Variants in ROBO1 observed in about 807,000 individuals in gnomAD.
ROBO1 encodes the protein roundabout homolog 1.
In ROBO1, 149 loss-of-function variants were observed where a neutral mutation model predicts 195.9. That is an observed-to-expected ratio of 0.76 (90% CI 0.67 to 0.87). The LOEUF is 0.87. ROBO1 is among the 40% of genes least tolerant of loss of function. ROBO1 has a pLI of 0.00. For missense variants in ROBO1, 1,933 were observed against 2,068.3 expected (o/e 0.93, Z 1.27); for synonymous variants, 816 against 733.2 (o/e 1.11, Z -1.82).
intron 2 of ROBO1, among the ~76,000 whole-genome samples, chr3:79,588,320 C>G (rs1411566722): frequency 6.6e-6 from 1 of 151,556 alleles, no homozygotes; most frequent in Non-Finnish European, 1.5e-5. Context: ...TTGTACCTTC[C>G]CACCATATAT....
At chr3:79,503,195 G>A (rs775146783) in intron 2 of ROBO1, among the ~76,000 whole-genome samples, 24 of 152,012 alleles carry the variant, frequency 1.6e-4, no homozygotes, top group Admixed American at 2.6e-4. Context: ...GCGAGACTAC[G>A]AACCCACCAG....
chr3:79,205,569 C>A (rs768737252), intron 2 of ROBO1, among the ~76,000 whole-genome samples: 3 of 152,000 alleles, frequency 2.0e-5, no homozygotes, highest in Non-Finnish European at 4.4e-5. Flanking sequence ...CTGGTTATAG[C>A]CCTAAATTTG....
intron 2 of ROBO1, among the ~76,000 whole-genome samples, chr3:79,292,867 G>T (rs1450713224): frequency 6.6e-6 from 1 of 152,176 alleles, no homozygotes; most frequent in African/African-American, 2.4e-5. Flanking sequence ...CCAGGTTTTG[G>T]TATCAGGATG....
At chr3:79,122,765 T>C (rs1049255630) in intron 3 of ROBO1, among the ~76,000 whole-genome samples, 7 of 151,968 alleles carry the variant, frequency 4.6e-5, no homozygotes, top group Admixed American at 2.0e-4. Flanking sequence ...TAGGGGAATG[T>C]AAATGGGAAT....
intron 2 of ROBO1, among the ~76,000 whole-genome samples, chr3:79,477,924 TAAAC>T (rs1938626710): frequency 6.6e-6 from 1 of 152,194 alleles, no homozygotes; most frequent in South Asian, 2.1e-4. Context: ...ATTAGCAAAT[TAAAC>T]AATCAATCTA....
In ROBO1 at chr3:78,599,897, G is replaced by C. The variant is rs112353179; in HGVS notation, c.4941+216C>G. 58 of 584,830 alleles carry C rather than the reference G, an allele frequency of 9.9e-5. 1 individual carries two copies. Among genetic ancestry groups the C allele is most frequent in the African/African-American group, 7.8e-4 (42 of 53,640 alleles). The allele number at this position is 584,830 out of a possible 1,614,324, so 36.2% of individuals were successfully genotyped here. A position where few individuals can be genotyped will look rare whatever the true frequency, so the allele number is the denominator to read the frequency against. Reference sequence around the variant, plus strand: ...AATCTGCAAATGAAGATAAACCCTAGCTAAACAAATAAACTGCCATTAACA... The same window carrying C: ...AATCTGCAAATGAAGATAAACCCTACCTAAACAAATAAACTGCCATTAACA... On this transcript the variant is annotated intron_variant, in intron 30 of 30. Coordinates refer to ENST00000464233, the MANE Select transcript of ROBO1 (RefSeq NM_002941.4).
At position 78,892,494 on chromosome 3, in the gene ROBO1, T is replaced by C. The variant is rs567443264; in HGVS notation, c.499+46107A>G. ...AGCAGCATCTGAAATGGAAATAATA[T>C]ATGCTGCATTGTGATGTGTAGAGTA... On this transcript the variant is annotated intron_variant, in intron 4 of 30. Coordinates refer to ENST00000464233, the MANE Select transcript of ROBO1 (RefSeq NM_002941.4). Among the ~76,000 whole-genome samples the C allele has an allele frequency of 3.3e-5, 5 of 152,306 alleles. No homozygotes were observed. In the South Asian group the frequency reaches 1.0e-3, roughly 32 times the overall value.
intron 2 of ROBO1, among the ~76,000 whole-genome samples, chr3:79,522,496 C>T (rs1941250594): frequency 6.6e-6 from 1 of 152,142 alleles, no homozygotes; most frequent in Non-Finnish European, 1.5e-5. Context: ...ATCCTGGAGT[C>T]ATCATTCCTG....
intron 4 of ROBO1, among the ~76,000 whole-genome samples, chr3:78,752,436 G>A (rs1049509621): frequency 4.6e-5 from 7 of 152,074 alleles, no homozygotes; most frequent in African/African-American, 1.7e-4. Context: ...ATACAATAGG[G>A]TCTTATTGCA....
intron 1 of ROBO1, among the ~76,000 whole-genome samples, chr3:79,699,779 T>A (rs1447668794): frequency 6.6e-6 from 1 of 151,688 alleles, no homozygotes; most frequent in Non-Finnish European, 1.5e-5. Context: ...TGTGGCAGCT[T>A]CTGGGAACAT....
At chr3:79,098,405 C>T (rs1461551113) in intron 3 of ROBO1, among the ~76,000 whole-genome samples, 1 of 151,776 alleles carries the variant, frequency 6.6e-6, no homozygotes, top group East Asian at 1.9e-4. Context: ...GCTGTGACCA[C>T]ACTGATGACA....
intron 2 of ROBO1, among the ~76,000 whole-genome samples, chr3:79,420,580 T>C (rs1353191715): frequency 1.3e-5 from 2 of 152,182 alleles, no homozygotes; most frequent in African/African-American, 4.8e-5. Flanking sequence ...TGTGTGACTT[T>C]GGCGATTCTC....
chr3:79,753,275 C>A (rs1052601325), intron 1 of ROBO1, among the ~76,000 whole-genome samples: 5 of 149,368 alleles, frequency 3.3e-5, no homozygotes, highest in Admixed American at 6.7e-5. Flanking sequence ...GGGGTGCAAA[C>A]TGGATACTGG....
intron 4 of ROBO1, among the ~76,000 whole-genome samples, chr3:78,812,543 T>C (rs2084774285): frequency 6.6e-6 from 1 of 152,110 alleles, no homozygotes; most frequent in South Asian, 2.1e-4. Flanking sequence ...TAAAACGGAA[T>C]AAATATCCTG....
At chr3:78,631,968 T>C (rs1705212782) in intron 24 of ROBO1, among the ~76,000 whole-genome samples, 2 of 152,218 alleles carry the variant, frequency 1.3e-5, no homozygotes, top group South Asian at 2.1e-4. Flanking sequence ...AGCCCAATCA[T>C]TCAAGTGCTC....
intron 3 of ROBO1, among the ~76,000 whole-genome samples, chr3:79,039,957 T>C (rs896932392): frequency 6.6e-6 from 1 of 152,176 alleles, no homozygotes; most frequent in Non-Finnish European, 1.5e-5. Context: ...TTAATACATA[T>C]AAATTATCTG....
chr3:78,837,885 A>T (rs1230464468), intron 4 of ROBO1, among the ~76,000 whole-genome samples: 3 of 152,184 alleles, frequency 2.0e-5, no homozygotes, highest in African/African-American at 7.2e-5. Context: ...AATACATGCC[A>T]TGTTGCATAA....
At chr3:79,129,120 G>A (rs1171390093) in intron 2 of ROBO1, among the ~76,000 whole-genome samples, 1 of 152,104 alleles carries the variant, frequency 6.6e-6, no homozygotes, top group Non-Finnish European at 1.5e-5. Context: ...ATTCAAAGAA[G>A]CTTCACACTT....
intron 2 of ROBO1, among the ~76,000 whole-genome samples, chr3:79,217,916 A>T (rs1202797259): frequency 2.0e-5 from 3 of 152,040 alleles, no homozygotes; most frequent in African/African-American, 7.2e-5. Flanking sequence ...TTCTATTGGT[A>T]GCAAAGTATA....
Sources: gnomAD v4.1 joint callset for allele counts (sites outside exome capture counted in the v4.1 genomes callset) on GRCh38, gnomAD v4.1.1 for gene constraint, MANE v1.5 for transcripts, NCBI Gene and HGNC (gene_info 2026-07-23, HGNC 2026-07-21) for gene names.